PLA2G4E: variants seen among roughly 807,000 people sequenced by gnomAD.
The protein encoded by PLA2G4E is cytosolic phospholipase A2 epsilon.
A neutral mutation model predicts 109.1 loss-of-function variants in PLA2G4E; 84 were observed. The ratio of observed to expected loss-of-function variants is 0.77; its 90% confidence interval spans 0.65 to 0.92. The LOEUF (loss-of-function observed/expected upper bound fraction) is 0.92. PLA2G4E is among the 40% of genes least tolerant of loss of function. PLA2G4E has a pLI of 0.00. For synonymous variants in PLA2G4E, 469 were observed against 436.1 expected (o/e 1.08, Z -0.94); for missense variants, 1,057 against 1,076.6 (o/e 0.98, Z 0.25).
chr15:42,006,188 G>A, intron 3 of PLA2G4E, 67 bp from the exon 4 acceptor site: 2 of 1,590,740 alleles, frequency 1.3e-6, no homozygotes, highest in Non-Finnish European at 1.7e-6. Context: ...AGAACAAGGG[G>A]CTTGACCTCT....
intron 1 of PLA2G4E, among the ~76,000 whole-genome samples, chr15:42,047,936 G>A (rs55818565): frequency 0.094 from 14,313 of 152,210 alleles, 718 homozygotes; most frequent in South Asian, 0.19. Flanking sequence ...AGTTTAGGTA[G>A]CAAGATAGAA....
At chr15:41,999,261 A>G (rs1007086483) in intron 10 of PLA2G4E, among the ~76,000 whole-genome samples, 1 of 152,194 alleles carries the variant, frequency 6.6e-6, no homozygotes, top group African/African-American at 2.4e-5. Flanking sequence ...TGCAAATCAT[A>G]TATCTGACAA....
exon 19 of PLA2G4E, chr15:41,984,441 G>A (rs769926347): frequency 3.7e-6 from 6 of 1,612,188 alleles, no homozygotes; most frequent in Non-Finnish European, 5.1e-6. Context: ...CTCACCTGGT[G>A]CCTTGTATTT....
chr15:41,986,073 G>A (rs912794863), intron 17 of PLA2G4E, 68 bp from the exon 18 acceptor site: 12 of 1,501,904 alleles, frequency 8.0e-6, no homozygotes, highest in Middle Eastern at 1.8e-4. Flanking sequence ...GAGGCACTTG[G>A]GGGGACGGAG....
At position 42,010,144 on chromosome 15, in the gene PLA2G4E, C is replaced by CCG; in HGVS notation, c.257-2280_257-2279insCG. The CCG allele has an allele frequency of 6.0e-6, 3 of 497,238 alleles. 1 individual carries two copies. The highest frequency in any genetic ancestry group is 1.2e-5 in the Non-Finnish European group (3 of 244,482). 30.8% of individuals were successfully genotyped at this position (497,238 alleles called of 1,614,324 possible). On this transcript the variant is annotated intron_variant, in intron 2 of 19. Transcript: ENST00000399518. ...TTCCAGAACACTGGCCCCCCCACCC[C>CCG]GGGCCTGGACCACACCCTTCAGGTC...
chr15:42,010,090 T>C, intron 2 of PLA2G4E: 1 of 500,868 alleles, frequency 2.0e-6, no homozygotes, highest in South Asian at 1.6e-5. Context: ...AGGAACCTGC[T>C]CAGCCCTCTT....
chr15:41,988,070 T>C, exon 16 of PLA2G4E: 2 of 1,606,098 alleles, frequency 1.2e-6, no homozygotes, highest in South Asian at 1.1e-5. Flanking sequence ...ACTTTCTCCC[T>C]TGTCCACCTG....
At chr15:42,001,937 C>T (rs1437953964) in intron 6 of PLA2G4E, among the ~76,000 whole-genome samples, 1 of 152,198 alleles carries the variant, frequency 6.6e-6, no homozygotes, top group Non-Finnish European at 1.5e-5. Context: ...AAGTGATCCC[C>T]CAACCTTGGC....
rs863223366 is a variant in PLA2G4E at position 41,989,421 on chromosome 15, T to C, written c.1717A>G (p.Met573Val). 2.5e-6 allele frequency: 4 copies of C among 1,613,950 alleles called. No individual in the cohort carries two copies. Among genetic ancestry groups the C allele is most frequent in the South Asian group, 1.1e-5 (1 of 91,080 alleles). ...CCAGTTGCAAGGCAGTCACCTAGCA[T>C]GTAGCAGATTCGAGACTCCGGGATC... The change falls in exon 15 of 20, where the codon ATG becomes GTG. Residue 573 changes from methionine to valine, a missense_variant. Transcript: ENST00000399518.
At chr15:42,001,657 T>G (rs1338090499) in intron 6 of PLA2G4E, among the ~76,000 whole-genome samples, 1 of 152,206 alleles carries the variant, frequency 6.6e-6, no homozygotes, top group African/African-American at 2.4e-5. Context: ...AGGCACTGGA[T>G]GCATTTAATT....
chr15:41,989,288 T>A, intron 15 of PLA2G4E, 127 bp downstream of exon 15: 2 of 1,323,766 alleles, frequency 1.5e-6, no homozygotes, highest in Non-Finnish European at 1.0e-6. Context: ...CCCAGTGACT[T>A]GGGACCACTC....
intron 14 of PLA2G4E, among the ~76,000 whole-genome samples, 186 bp downstream of exon 14, chr15:41,989,935 C>T (rs781174108): frequency 2.0e-5 from 3 of 152,184 alleles, no homozygotes; most frequent in South Asian, 2.1e-4. Context: ...CAGTGCCTGC[C>T]GGCCTCACCC....
intron 2 of PLA2G4E, chr15:42,010,132 G>GCGCCCCCCC (rs1555386988): frequency 2.5e-6 from 1 of 407,002 alleles, no homozygotes; most frequent in African/African-American, 2.9e-5. Context: ...CAGAACACTG[G>GCGCCCCCCC]CCCCCCCACC....
At chr15:42,040,379 T>C (rs1889295605) in intron 1 of PLA2G4E, among the ~76,000 whole-genome samples, 1 of 152,212 alleles carries the variant, frequency 6.6e-6, no homozygotes, top group Non-Finnish European at 1.5e-5. Context: ...AAAAAAATAA[T>C]CATTTTGTCA....
chr15:42,028,888 A>C (rs937193863), intron 1 of PLA2G4E, among the ~76,000 whole-genome samples: 3 of 152,198 alleles, frequency 2.0e-5, no homozygotes, highest in Admixed American at 6.5e-5. Flanking sequence ...ATATGTTGAG[A>C]TGTCCCAGAA....
intron 7 of PLA2G4E, among the ~76,000 whole-genome samples, chr15:42,000,619 C>G (rs765740898): frequency 6.6e-6 from 1 of 152,198 alleles, no homozygotes; most frequent in Admixed American, 6.5e-5. Flanking sequence ...CGCACACTGT[C>G]GCTTTTGATG....
exon 20 of PLA2G4E, chr15:41,983,886 G>A: frequency 1.9e-6 from 3 of 1,613,500 alleles, no homozygotes; most frequent in Non-Finnish European, 2.5e-6. Context: ...TGGCCTCTGT[G>A]TATGTCAGCT....
At position 42,050,589 on chromosome 15, in the gene PLA2G4E, C is replaced by T. The variant is rs1010755233; in HGVS notation, c.115G>A (p.Glu39Lys). The change falls in exon 1 of 20, where the codon GAG (glutamate) becomes AAG (lysine). Residue 39 changes from glutamate (E) to lysine (K), a missense_variant. Transcript: ENST00000399518. ...GGAGTGTCCAGGTCCTGTGTATCCT[C>T]GAACTCACTGAAACTTCTTCCTGAC... 2.1e-5 allele frequency: 32 copies of T among 1,550,498 alleles called. No homozygotes were observed. The highest frequency in any genetic ancestry group is 2.4e-5 in the East Asian group (1 of 40,934).
At chr15:42,034,803 T>C (rs968092228) in intron 1 of PLA2G4E, among the ~76,000 whole-genome samples, 1 of 152,250 alleles carries the variant, frequency 6.6e-6, no homozygotes, top group African/African-American at 2.4e-5. Flanking sequence ...CCTGAGGACA[T>C]GATCTGGACT....
Sources: gnomAD v4.1 joint callset for allele counts (sites outside exome capture counted in the v4.1 genomes callset) on GRCh38, gnomAD v4.1.1 for gene constraint, MANE v1.5 for transcripts, NCBI Gene and HGNC (gene_info 2026-07-23, HGNC 2026-07-21) for gene names.